The following CNTN4 variants were observed in gnomAD, a reference collection of about 807,000 sequenced individuals.
CNTN4 encodes the protein contactin 4, also known as contactin-4.
A neutral mutation model predicts 122.5 loss-of-function variants in CNTN4; 77 were observed. That is an observed-to-expected ratio of 0.63 (90% CI 0.52 to 0.76). CNTN4 has a LOEUF of 0.76. Among genes scored for constraint, CNTN4 ranks in the 30% least tolerant of loss-of-function variants. The pLI, the probability that CNTN4 is intolerant of heterozygous loss-of-function variation, is 0.00. For missense variants in CNTN4, 1,256 were observed against 1,259.1 expected, an observed-to-expected ratio of 1.00 and a Z score of 0.04; for synonymous variants, 512 against 447.0, an observed-to-expected ratio of 1.15 and a Z score of -1.83.
At chr3:2,925,485 G>A (rs552637039) in intron 12 of CNTN4, 144 bp from the exon 13 acceptor site, 72 of 767,064 alleles carry the variant, frequency 9.4e-5, no homozygotes, top group East Asian at 1.9e-4. Context: ...CCCGGGAGGC[G>A]GAGGTTGCAG....
chr3:2,819,866 A>G (rs914069939), intron 7 of CNTN4, among the ~76,000 whole-genome samples: 2 of 152,156 alleles, frequency 1.3e-5, no homozygotes, highest in East Asian at 3.9e-4. Flanking sequence ...TGTAATTAAA[A>G]CGACTCATAC....
chr3:2,772,432 AAG>A (rs2149782654), intron 6 of CNTN4, among the ~76,000 whole-genome samples: 1 of 150,042 alleles, frequency 6.7e-6, no homozygotes, highest in South Asian at 2.1e-4. Flanking sequence ...TACAGAAAGA[AAG>A]AAAAAAAAGA....
chr3:2,985,897 C>T (rs1156512192), intron 13 of CNTN4, among the ~76,000 whole-genome samples: 2 of 150,836 alleles, frequency 1.3e-5, no homozygotes, highest in East Asian at 1.9e-4. Flanking sequence ...ATACAAATGA[C>T]CAAATAAGAG....
At chr3:2,422,030 CT>C (rs1248941126) in intron 3 of CNTN4, among the ~76,000 whole-genome samples, 2 of 152,046 alleles carry the variant, frequency 1.3e-5, no homozygotes, top group African/African-American at 4.8e-5. Flanking sequence ...CTGTAATTAG[CT>C]TTTATGGATA....
intron 13 of CNTN4, among the ~76,000 whole-genome samples, chr3:2,966,804 T>C (rs1312143331): frequency 3.3e-5 from 5 of 152,164 alleles, no homozygotes; most frequent in Admixed American, 6.5e-5. Context: ...AAAGAATAAA[T>C]AAAAGGCATT....
rs1337384686 is a variant in CNTN4, at chr3:2,611,309, AAAAG to A, written c.55+39767_55+39770del. On this transcript the variant is annotated intron_variant, in intron 4 of 24. Coordinates refer to ENST00000418658, the MANE Select transcript of CNTN4 (RefSeq NM_175607.3). ...CAGCACCTGGAACCAAAAAAAAAAA[AAAAG>A]AAAGAAAGAAAGAAACAAAAACAAA... Among the ~76,000 whole-genome samples the A allele has an allele frequency of 4.1e-3, 563 of 137,472 alleles. 4 individuals are homozygous for A. Among genetic ancestry groups the A allele is most frequent in the African/African-American group, 6.6e-3 (231 of 35,014 alleles). 90.2% of individuals were successfully genotyped at this position (137,472 alleles called of 152,430 possible).
chr3:3,025,459 A>G (rs1041265173), intron 14 of CNTN4, among the ~76,000 whole-genome samples: 4 of 152,188 alleles, frequency 2.6e-5, no homozygotes, highest in African/African-American at 9.6e-5. Flanking sequence ...ACATGCCTAT[A>G]CAATATTGAG....
At chr3:2,851,954 T>G (rs1027016815) in intron 7 of CNTN4, among the ~76,000 whole-genome samples, 1 of 152,200 alleles carries the variant, frequency 6.6e-6, no homozygotes, top group Non-Finnish European at 1.5e-5. Context: ...CTAGGATGCT[T>G]TCAGCTATAA....
At chr3:2,684,328 A>C (rs1056430647) in intron 4 of CNTN4, among the ~76,000 whole-genome samples, 1 of 152,304 alleles carries the variant, frequency 6.6e-6, no homozygotes, top group African/African-American at 2.4e-5. Context: ...GAAGCATTGC[A>C]GCTGAGAATC....
At chr3:2,217,529 A>G (rs2038895824) in intron 2 of CNTN4, among the ~76,000 whole-genome samples, 1 of 152,214 alleles carries the variant, frequency 6.6e-6, no homozygotes, top group Non-Finnish European at 1.5e-5. Context: ...ATCTTTGAAA[A>G]TCATAATCAC....
In CNTN4 at chr3:2,437,880, T is replaced by C. The variant is rs564109226; in HGVS notation, c.-89+98647T>C. The stretch of plus-strand genomic sequence containing the variant: ...TCTGGGGGTAATGGCTTGCCTACTT[T>C]ACCAGTTAAGGCATACATCTTGAAA... On this transcript the variant is annotated intron_variant, in intron 3 of 24. Coordinates refer to ENST00000418658, the MANE Select transcript of CNTN4 (RefSeq NM_175607.3). Among the ~76,000 whole-genome samples the C allele has an allele frequency of 3.3e-5, 5 of 150,612 alleles. 1 individual carries two copies. In the South Asian group the frequency reaches 1.1e-3, roughly 32 times the overall value.
intron 13 of CNTN4, among the ~76,000 whole-genome samples, chr3:2,959,343 T>G (rs1184687178): frequency 6.6e-6 from 1 of 152,224 alleles, no homozygotes; most frequent in Non-Finnish European, 1.5e-5. Context: ...TTATGCTATC[T>G]ATAGAGCGTC....
intron 2 of CNTN4, among the ~76,000 whole-genome samples, chr3:2,203,619 G>A (rs11921530): frequency 0.048 from 7,280 of 152,178 alleles, 325 homozygotes; most frequent in African/African-American, 0.12. Flanking sequence ...GCTCCAGTAC[G>A]TTCCTGAATA....
chr3:2,237,433 A>G (rs2039726935), intron 2 of CNTN4, among the ~76,000 whole-genome samples: 1 of 152,128 alleles, frequency 6.6e-6, no homozygotes, highest in South Asian at 2.1e-4. Flanking sequence ...ATAACCCACC[A>G]CTGCACTCCA....
At chr3:2,824,413 C>T (rs1360755399) in intron 7 of CNTN4, among the ~76,000 whole-genome samples, 1 of 151,810 alleles carries the variant, frequency 6.6e-6, no homozygotes, top group Non-Finnish European at 1.5e-5. Flanking sequence ...GTGGAGATCG[C>T]GCCACTGCAC....
At chr3:2,950,968 A>G (rs1239237645) in intron 13 of CNTN4, among the ~76,000 whole-genome samples, 1 of 152,242 alleles carries the variant, frequency 6.6e-6, no homozygotes, top group Non-Finnish European at 1.5e-5. Flanking sequence ...AAATACATAT[A>G]TGATGAATGA....
chr3:2,157,479 A>G (rs1190275372), intron 2 of CNTN4, among the ~76,000 whole-genome samples: 3 of 152,188 alleles, frequency 2.0e-5, no homozygotes, highest in African/African-American at 7.2e-5. Flanking sequence ...GAGTCAATGG[A>G]GACTTAAGCT....
intron 7 of CNTN4, among the ~76,000 whole-genome samples, chr3:2,855,457 A>G (rs929309096): frequency 6.6e-6 from 1 of 152,234 alleles, no homozygotes; most frequent in Non-Finnish European, 1.5e-5. Flanking sequence ...AGAGGCACCA[A>G]ATGAGATAAT....
At chr3:2,107,731 T>G (rs1338215687) in intron 2 of CNTN4, among the ~76,000 whole-genome samples, 1 of 152,124 alleles carries the variant, frequency 6.6e-6, no homozygotes, top group Non-Finnish European at 1.5e-5. Context: ...ACTGATTTAT[T>G]AGACCAAGCA....
Sources: allele counts gnomAD v4.1 joint callset (sites outside exome capture counted in the v4.1 genomes callset), GRCh38; gene constraint gnomAD v4.1.1; transcripts MANE v1.5; gene names NCBI Gene and HGNC (gene_info 2026-07-23, HGNC 2026-07-21).